Variants in THEMIS observed in about 807,000 individuals in gnomAD.
The protein encoded by THEMIS is thymocyte selection associated.
A neutral mutation model predicts 52.6 loss-of-function variants in THEMIS; 37 were observed. That is an observed-to-expected ratio of 0.70 (90% CI 0.54 to 0.93). The LOEUF is 0.93. Among genes scored for constraint, THEMIS ranks in the 40% least tolerant of loss-of-function variants. The probability of loss-of-function intolerance (pLI) is 0.00; values close to 1 mark genes in which losing one functional copy is unlikely to be tolerated. For synonymous variants in THEMIS, 292 were observed against 272.7 expected (o/e 1.07, Z -0.70); for missense variants, 808 against 763.1 (o/e 1.06, Z -0.69).
intron 4 of THEMIS, among the ~76,000 whole-genome samples, chr6:127,809,463 C>T (rs550899145): frequency 1.3e-5 from 2 of 152,052 alleles, no homozygotes; most frequent in Non-Finnish European, 2.9e-5. Context: ...AAAAAATAAT[C>T]GCTGAAAATA....
intron 3 of THEMIS, among the ~76,000 whole-genome samples, chr6:127,817,341 A>G (rs559549160): frequency 3.3e-5 from 5 of 152,328 alleles, no homozygotes; most frequent in African/African-American, 1.2e-4. Context: ...CACTGGAAAA[A>G]AAAGTTTTCT....
the THEMIS span, among the ~76,000 whole-genome samples, chr6:127,696,628 TGG>T: frequency 5.3e-5 from 8 of 152,302 alleles, no homozygotes; most frequent in African/African-American, 1.7e-4. Flanking sequence ...TACCATTTCC[TGG>T]GGGGTTTGAA....
At chr6:127,702,802 C>G in the THEMIS span, among the ~76,000 whole-genome samples, 3 of 151,958 alleles carry the variant, frequency 2.0e-5, no homozygotes, top group Non-Finnish European at 2.9e-5. Flanking sequence ...TAGTGGCAGA[C>G]AAGAGAAGAG....
At chr6:127,780,466 A>G (rs1776706131) in intron 4 of THEMIS, among the ~76,000 whole-genome samples, 1 of 152,210 alleles carries the variant, frequency 6.6e-6, no homozygotes, top group Non-Finnish European at 1.5e-5. Context: ...TTTGCCAATT[A>G]GTTGACGCAG....
chr6:127,783,686 A>C (rs1353922157), intron 4 of THEMIS, among the ~76,000 whole-genome samples: 4 of 152,232 alleles, frequency 2.6e-5, no homozygotes, highest in Non-Finnish European at 4.4e-5. Flanking sequence ...CCACAATGAC[A>C]TACCATCTCA....
intron 4 of THEMIS, among the ~76,000 whole-genome samples, chr6:127,731,388 G>GA (rs1007939839): frequency 2.4e-4 from 35 of 148,398 alleles, no homozygotes; most frequent in East Asian, 1.2e-3. Context: ...ATATGTCGGG[G>GA]AAAAAAAAAC....
intron 4 of THEMIS, among the ~76,000 whole-genome samples, chr6:127,742,111 A>G (rs1288612179): frequency 6.6e-6 from 1 of 152,112 alleles, no homozygotes; most frequent in Non-Finnish European, 1.5e-5. Context: ...AGGAGTTTTG[A>G]GGACAGCCTG....
chr6:127,870,445 A>C (rs1307594400), intron 1 of THEMIS, among the ~76,000 whole-genome samples: 1 of 152,192 alleles, frequency 6.6e-6, no homozygotes, highest in Non-Finnish European at 1.5e-5. Flanking sequence ...GAAACAAAAA[A>C]CAGAGAACAA....
At chr6:127,848,278 T>A (rs1006490721) in intron 2 of THEMIS, among the ~76,000 whole-genome samples, 3 of 151,986 alleles carry the variant, frequency 2.0e-5, no homozygotes, top group African/African-American at 7.2e-5. Context: ...AGCTGCATAG[T>A]ATTCCATGGT....
chr6:127,804,613 G>T (rs1233414182), intron 4 of THEMIS, among the ~76,000 whole-genome samples: 1 of 152,130 alleles, frequency 6.6e-6, no homozygotes, highest in Non-Finnish European at 1.5e-5. Context: ...ACAACATTGT[G>T]AGAATTTGGT....
At chr6:127,807,343 G>A (rs925307508) in intron 4 of THEMIS, 1 of 256,440 alleles carries the variant, frequency 3.9e-6, no homozygotes, top group Admixed American at 5.7e-5. Context: ...CTAGGCAACA[G>A]AGTGAGAATT....
intron 4 of THEMIS, among the ~76,000 whole-genome samples, chr6:127,724,272 C>A (rs1353341093): frequency 6.6e-6 from 1 of 152,064 alleles, no homozygotes; most frequent in East Asian, 1.9e-4. Flanking sequence ...TCCCATATAG[C>A]TCTGAATCAA....
intron 1 of THEMIS, among the ~76,000 whole-genome samples, chr6:127,861,542 G>C (rs926828575): frequency 3.9e-5 from 6 of 152,042 alleles, no homozygotes; most frequent in African/African-American, 1.2e-4. Flanking sequence ...CCAGCACTTT[G>C]GGAGGCCAAG....
intron 1 of THEMIS, among the ~76,000 whole-genome samples, chr6:127,892,215 C>A (rs1213519245): frequency 6.6e-6 from 1 of 152,228 alleles, no homozygotes; most frequent in Non-Finnish European, 1.5e-5. Context: ...CACCACTGGG[C>A]TGCTCCCTGT....
intron 1 of THEMIS, among the ~76,000 whole-genome samples, chr6:127,880,924 A>C (rs1397139127): frequency 6.6e-6 from 1 of 152,146 alleles, no homozygotes; most frequent in Non-Finnish European, 1.5e-5. Flanking sequence ...ATTTCATTTC[A>C]CAACTTTTGT....
intron 4 of THEMIS, among the ~76,000 whole-genome samples, chr6:127,788,000 C>G (rs1777033075): frequency 6.6e-6 from 1 of 151,232 alleles, no homozygotes; most frequent in South Asian, 2.1e-4. Context: ...CATCTTAGCA[C>G]TGAGAAGGCT....
chr6:127,798,583 A>T (rs1777410008), intron 4 of THEMIS, among the ~76,000 whole-genome samples: 1 of 152,240 alleles, frequency 6.6e-6, no homozygotes, highest in Non-Finnish European at 1.5e-5. Context: ...TCTTGGGAAT[A>T]TTAATAACAC....
chr6:127,894,812 A>G (rs2114483615), intron 1 of THEMIS, among the ~76,000 whole-genome samples: 1 of 151,624 alleles, frequency 6.6e-6, no homozygotes, highest in Non-Finnish European at 1.5e-5. Flanking sequence ...CAGAAATAGC[A>G]AAATTTATGT....
At chr6:127,815,623 C>T (rs1447107900) in intron 3 of THEMIS, among the ~76,000 whole-genome samples, 1 of 152,184 alleles carries the variant, frequency 6.6e-6, no homozygotes, top group African/African-American at 2.4e-5. Flanking sequence ...GCACTTCTTA[C>T]ATTAATAAGT....
Sources: allele counts gnomAD v4.1 joint callset (sites outside exome capture counted in the v4.1 genomes callset), GRCh38; gene constraint gnomAD v4.1.1; transcripts MANE v1.5; gene names NCBI Gene and HGNC (gene_info 2026-07-23, HGNC 2026-07-21).